CDH13: variants seen among roughly 807,000 people sequenced by gnomAD.
CDH13 encodes the protein cadherin-13.
Under a neutral mutation model 63.8 loss-of-function variants are expected in CDH13, and 24 were observed. The ratio of observed to expected loss-of-function variants is 0.38; its 90% confidence interval spans 0.27 to 0.53. CDH13 has a LOEUF of 0.53. Ranked by LOEUF, CDH13 falls within the 20% of genes least tolerant of loss-of-function variation. The pLI is 0.85. For missense variants in CDH13, 1,049 were observed against 903.1 expected (o/e 1.16, Z -2.07); for synonymous variants, 503 against 355.3 (o/e 1.42, Z -4.67).
At chr16:83,561,023 G>GT (rs2075695613) in intron 7 of CDH13, among the ~76,000 whole-genome samples, 3 of 152,214 alleles carry the variant, frequency 2.0e-5, no homozygotes, top group Admixed American at 6.5e-5. Flanking sequence ...TTTTCTGGAG[G>GT]TTTTTCTTAA....
intron 2 of CDH13, among the ~76,000 whole-genome samples, chr16:83,026,125 C>T (rs1028727658): frequency 3.3e-5 from 5 of 152,162 alleles, no homozygotes; most frequent in African/African-American, 7.2e-5. Context: ...TATTGAGTGC[C>T]GGTGATGTGC....
intron 2 of CDH13, among the ~76,000 whole-genome samples, chr16:82,875,521 A>G (rs1268559979): frequency 6.6e-6 from 1 of 152,212 alleles, no homozygotes; most frequent in Non-Finnish European, 1.5e-5. Flanking sequence ...TAGAATTAGG[A>G]CAGTGCTTTT....
At chr16:82,928,576 G>C (rs78416789) in intron 2 of CDH13, among the ~76,000 whole-genome samples, 3,361 of 152,138 alleles carry the variant, frequency 0.022, 136 homozygotes, top group African/African-American at 0.076. Flanking sequence ...GTTTTCATTT[G>C]CATTTCTCTT....
At chr16:83,714,562 C>A (rs1908602571) in intron 10 of CDH13, among the ~76,000 whole-genome samples, 1 of 152,162 alleles carries the variant, frequency 6.6e-6, no homozygotes, top group Non-Finnish European at 1.5e-5. Flanking sequence ...GTAACTAAAG[C>A]TAAAGACTTT....
At chr16:82,653,868 C>T (rs974447056) in intron 1 of CDH13, among the ~76,000 whole-genome samples, 22 of 152,036 alleles carry the variant, frequency 1.4e-4, no homozygotes. Context: ...GACTGAAGAC[C>T]ACATTCAAGG....
intron 10 of CDH13, among the ~76,000 whole-genome samples, chr16:83,708,785 G>A (rs113552788): frequency 6.6e-6 from 1 of 152,150 alleles, no homozygotes; most frequent in Non-Finnish European, 1.5e-5. Context: ...AGCACTTTGG[G>A]AGGCTGAGGT....
intron 8 of CDH13, among the ~76,000 whole-genome samples, chr16:83,631,616 A>G (rs1262648987): frequency 2.0e-5 from 3 of 152,230 alleles, no homozygotes; most frequent in South Asian, 2.1e-4. Context: ...GAAAGGAAAG[A>G]GGGATGTCAC....
intron 1 of CDH13, among the ~76,000 whole-genome samples, chr16:82,668,003 C>G (rs1366981317): frequency 6.6e-6 from 1 of 152,148 alleles, no homozygotes; most frequent in Non-Finnish European, 1.5e-5. Context: ...GCATCTATCG[C>G]GACACCATTA....
At chr16:83,230,064 A>G (rs1391199620) in intron 5 of CDH13, among the ~76,000 whole-genome samples, 2 of 152,224 alleles carry the variant, frequency 1.3e-5, no homozygotes, top group African/African-American at 2.4e-5. Flanking sequence ...ATCCACATTT[A>G]AAAGGGGTAG....
intron 2 of CDH13, among the ~76,000 whole-genome samples, chr16:82,881,619 G>A (rs150260464): frequency 1.4e-4 from 22 of 152,298 alleles, no homozygotes; most frequent in Admixed American, 4.6e-4. Flanking sequence ...TAGTCCTTCC[G>A]TCCTGAAAAG....
chr16:82,818,327 A>G (rs759068256), intron 1 of CDH13, among the ~76,000 whole-genome samples: 55 of 152,290 alleles, frequency 3.6e-4, no homozygotes, highest in South Asian at 6.2e-4. Context: ...CAAACTAAGG[A>G]CTAAAAGATA....
At chr16:82,905,671 G>C (rs1284657404) in intron 2 of CDH13, among the ~76,000 whole-genome samples, 2 of 151,968 alleles carry the variant, frequency 1.3e-5, no homozygotes, top group African/African-American at 4.8e-5. Context: ...AAAAGAACCA[G>C]GTAAAATTAA....
chr16:83,147,050 T>G (rs75301687), intron 4 of CDH13, among the ~76,000 whole-genome samples: 1 of 152,024 alleles, frequency 6.6e-6, no homozygotes, highest in Non-Finnish European at 1.5e-5. Flanking sequence ...ATCACGCCGC[T>G]GTACTCTGGC....
chr16:82,993,875 G>T (rs142131739), intron 2 of CDH13, among the ~76,000 whole-genome samples: 1 of 152,262 alleles, frequency 6.6e-6, no homozygotes, highest in South Asian at 2.1e-4. Flanking sequence ...CTGGTGCTTC[G>T]TTCTTTGGTG....
chr16:83,086,936 A>C (rs1011659686), intron 3 of CDH13, among the ~76,000 whole-genome samples: 5 of 152,220 alleles, frequency 3.3e-5, no homozygotes, highest in African/African-American at 1.2e-4. Context: ...AACTACATAG[A>C]AGAGGTTTTA....
At chr16:83,381,066 C>G (rs1354437122) in intron 6 of CDH13, among the ~76,000 whole-genome samples, 1 of 152,064 alleles carries the variant, frequency 6.6e-6, no homozygotes, top group Non-Finnish European at 1.5e-5. Flanking sequence ...TTAATAAATT[C>G]TGCAATTATT....
At chr16:83,691,666 A>G (rs1285651603) in intron 10 of CDH13, among the ~76,000 whole-genome samples, 3 of 152,020 alleles carry the variant, frequency 2.0e-5, no homozygotes, top group Admixed American at 2.0e-4. Context: ...CCCGACCGCA[A>G]ATCAGCATAT....
chr16:83,082,543 G>T (rs904517678), intron 3 of CDH13, among the ~76,000 whole-genome samples: 1 of 152,180 alleles, frequency 6.6e-6, no homozygotes, highest in Admixed American at 6.5e-5. Context: ...TGAGGCAGGA[G>T]AATAGGAGGA....
chr16:82,629,716 G>A (rs1237735331), intron 1 of CDH13, among the ~76,000 whole-genome samples: 1 of 152,202 alleles, frequency 6.6e-6, no homozygotes, highest in African/African-American at 2.4e-5. Context: ...TTGGTAGGAG[G>A]TGAGGAATTC....
Sources: gnomAD v4.1 joint callset for allele counts (sites outside exome capture counted in the v4.1 genomes callset) on GRCh38, gnomAD v4.1.1 for gene constraint, MANE v1.5 for transcripts, NCBI Gene and HGNC (gene_info 2026-07-23, HGNC 2026-07-21) for gene names.